Variants in ARNT2 observed in about 807,000 individuals in gnomAD.
The protein encoded by ARNT2 is aryl hydrocarbon receptor nuclear translocator 2, also known as ARNT protein 2.
Under a neutral mutation model 91.7 loss-of-function variants are expected in ARNT2, and 36 were observed. That is an observed-to-expected ratio of 0.39 (90% confidence interval 0.30 to 0.52). ARNT2 has a LOEUF of 0.52. ARNT2 is among the 20% of genes least tolerant of loss of function. ARNT2 has a pLI of 0.72. For missense variants in ARNT2, 775 were observed against 939.3 expected, an observed-to-expected ratio of 0.83 and a Z score of 2.29; for synonymous variants, 365 against 347.1, an observed-to-expected ratio of 1.05 and a Z score of -0.57.
rs185862670 is a variant in ARNT2 at position 80,452,344 on chromosome 15, A to G, written c.146+1350A>G. Among the ~76,000 whole-genome samples the G allele has an allele frequency of 8.5e-5, 13 of 152,340 alleles. No homozygotes were observed. The East Asian group carries it at 2.5e-3, about 29-fold the overall frequency. On this transcript the variant is annotated intron_variant, in intron 2 of 18. Transcript: ENST00000303329. ...CTGCCACCATCTTTACAGCAGAACC[A>G]GCAGAGCTATAATGAGCAGTGTTGG...
At chr15:80,581,503 C>T in intron 17 of ARNT2, 99 bp downstream of exon 17, 1 of 1,496,786 alleles carries the variant, frequency 6.7e-7, no homozygotes, top group South Asian at 1.2e-5. Context: ...TCCCAGCTAC[C>T]AAAACAAGGT....
intron 15 of ARNT2, among the ~76,000 whole-genome samples, chr15:80,578,122 A>G (rs1898716445): frequency 6.6e-6 from 1 of 152,152 alleles, no homozygotes; most frequent in African/African-American, 2.4e-5. Flanking sequence ...GCTCATGTTC[A>G]TGGGGTCCTT....
intron 5 of ARNT2, among the ~76,000 whole-genome samples, chr15:80,498,314 G>C (rs1425210155): frequency 6.6e-6 from 1 of 152,148 alleles, no homozygotes; most frequent in Non-Finnish European, 1.5e-5. Flanking sequence ...TAAGTGACTG[G>C]CAGAAGGGCT....
At chr15:80,448,503 G>T in intron 1 of ARNT2, among the ~76,000 whole-genome samples, 1 of 152,176 alleles carries the variant, frequency 6.6e-6, no homozygotes, top group East Asian at 1.9e-4. Flanking sequence ...CAAGGTTTTG[G>T]GGAGCTTTAC....
chr15:80,443,487 C>T (rs1040049240), intron 1 of ARNT2, among the ~76,000 whole-genome samples: 10 of 151,668 alleles, frequency 6.6e-5, no homozygotes, highest in African/African-American at 2.2e-4. Flanking sequence ...CAGCAGAGCC[C>T]AGAAGATGGA....
chr15:80,429,696 G>T (rs1895982610), intron 1 of ARNT2, among the ~76,000 whole-genome samples: 1 of 152,214 alleles, frequency 6.6e-6, no homozygotes, highest in Admixed American at 6.5e-5. Context: ...GGGCAGTCGT[G>T]TGGGATTGAG....
chr15:80,576,546 G>A (rs189398307), intron 14 of ARNT2, among the ~76,000 whole-genome samples: 1 of 152,302 alleles, frequency 6.6e-6, no homozygotes, highest in East Asian at 1.9e-4. Context: ...CAAAATGCTG[G>A]GATTACAGGT....
chr15:80,560,329 G>A (rs1349511929), intron 11 of ARNT2, among the ~76,000 whole-genome samples: 1 of 152,144 alleles, frequency 6.6e-6, no homozygotes, highest in Non-Finnish European at 1.5e-5. Flanking sequence ...AGGATCATAA[G>A]GCTTTAGGCA....
At chr15:80,549,269 A>C (rs1382190313) in intron 8 of ARNT2, among the ~76,000 whole-genome samples, 4 of 152,228 alleles carry the variant, frequency 2.6e-5, no homozygotes, top group Non-Finnish European at 5.9e-5. Flanking sequence ...AAACCATAAA[A>C]GTATCAGAGG....
intron 8 of ARNT2, among the ~76,000 whole-genome samples, chr15:80,546,242 C>A (rs1041076839): frequency 6.6e-6 from 1 of 152,200 alleles, no homozygotes; most frequent in African/African-American, 2.4e-5. Context: ...ACTCCACAAT[C>A]GTTATTGTGT....
intron 1 of ARNT2, among the ~76,000 whole-genome samples, chr15:80,446,857 G>T (rs1008710169): frequency 6.6e-6 from 1 of 152,104 alleles, no homozygotes; most frequent in Non-Finnish European, 1.5e-5. Flanking sequence ...CCCTTCCTCT[G>T]TCTCTGTCTC....
At chr15:80,551,532 G>A (rs779186114) in intron 9 of ARNT2, among the ~76,000 whole-genome samples, 6 of 152,150 alleles carry the variant, frequency 3.9e-5, no homozygotes, top group Non-Finnish European at 5.9e-5. Context: ...ACAAACTTGC[G>A]TTCTGCTCAC....
At chr15:80,524,596 G>A (rs1335280766) in intron 8 of ARNT2, among the ~76,000 whole-genome samples, 1 of 152,120 alleles carries the variant, frequency 6.6e-6, no homozygotes, top group Non-Finnish European at 1.5e-5. Context: ...CAAAGTGCTG[G>A]CCGGGCGCAG....
chr15:80,493,218 A>G (rs1897080343), intron 5 of ARNT2, among the ~76,000 whole-genome samples: 1 of 152,220 alleles, frequency 6.6e-6, no homozygotes, highest in East Asian at 1.9e-4. Context: ...TAAACTATTC[A>G]TGAGGGCTCT....
intron 8 of ARNT2, among the ~76,000 whole-genome samples, chr15:80,543,637 G>T (rs950205236): frequency 2.6e-5 from 4 of 152,096 alleles, no homozygotes; most frequent in Non-Finnish European, 4.4e-5. Context: ...TATTGAAAAA[G>T]AACATTTTTA....
intron 11 of ARNT2, among the ~76,000 whole-genome samples, chr15:80,559,492 T>G (rs916392747): frequency 2.2e-4 from 34 of 152,216 alleles, no homozygotes; most frequent in Admixed American, 5.9e-4. Context: ...GGAAGTGGCT[T>G]CTTCTTGCAG....
At chr15:80,456,639 G>T (rs1896485486) in intron 2 of ARNT2, among the ~76,000 whole-genome samples, 1 of 152,138 alleles carries the variant, frequency 6.6e-6, no homozygotes, top group Admixed American at 6.5e-5. Context: ...GGAGCTTCTT[G>T]GGTGTGCCCA....
chr15:80,592,556 C>G lies in ARNT2; in HGVS notation c.2055+852C>G, dbSNP rs182651014. 3.9e-5 allele frequency among the ~76,000 whole-genome samples: 6 copies of G among 152,366 alleles called. No individual in the cohort carries two copies. In the East Asian group the frequency reaches 1.2e-3, roughly 29 times the overall value. On this transcript the variant is annotated intron_variant, in intron 18 of 18. Transcript: ENST00000303329. ...CCCCTCCTTCTCAAGAATCAGTGCT[C>G]CATATACCCCACCCTCATCCCAAGC...
chr15:80,484,814 G>T (rs910057863), intron 5 of ARNT2, among the ~76,000 whole-genome samples: 22 of 152,210 alleles, frequency 1.4e-4, no homozygotes, highest in Non-Finnish European at 1.5e-4. Context: ...TGGTGGGGAT[G>T]GGGGGCGGTG....
Sources: allele counts gnomAD v4.1 joint callset (sites outside exome capture counted in the v4.1 genomes callset), GRCh38; gene constraint gnomAD v4.1.1; transcripts MANE v1.5; gene names NCBI Gene and HGNC (gene_info 2026-07-23, HGNC 2026-07-21).